MICU2: variants seen among roughly 807,000 people sequenced by gnomAD.
MICU2 encodes the protein calcium uptake protein 2, mitochondrial.
Under a neutral mutation model 60.4 loss-of-function variants are expected in MICU2, and 64 were observed. The ratio of observed to expected loss-of-function variants is 1.06; its 90% confidence interval spans 0.87 to 1.31. MICU2 has a LOEUF of 1.31. Ranked by LOEUF, MICU2 falls within the 50% of genes most tolerant of loss-of-function variation. The pLI is 0.00. For missense variants in MICU2, 569 were observed against 531.0 expected, an observed-to-expected ratio of 1.07 and a Z score of -0.70; for synonymous variants, 201 against 175.0, an observed-to-expected ratio of 1.15 and a Z score of -1.17.
intron 8 of MICU2, among the ~76,000 whole-genome samples, chr13:21,508,193 C>T (rs1368248690): frequency 2.6e-5 from 4 of 151,558 alleles, no homozygotes; most frequent in Non-Finnish European, 5.9e-5. Context: ...TGGCACGATC[C>T]TGGCTCACTA....
rs145073467 is a variant in MICU2 at position 21,507,765 on chromosome 13, G to A, written c.761+2239C>T. On this transcript the variant is annotated intron_variant, in intron 8 of 11. Transcript: ENST00000382374. ...ATTACAGATGCCTGCCACCTCGCCC[G>A]GCTAATTTTTGTATTTTTAGTAGAG... Among the ~76,000 whole-genome samples, 948 of 151,762 alleles carry A rather than the reference G, an allele frequency of 6.2e-3. 9 individuals carry two copies. The highest frequency in any genetic ancestry group is 0.021 in the African/African-American group (882 of 41,366).
intron 2 of MICU2, among the ~76,000 whole-genome samples, chr13:21,552,693 T>C (rs1887602686): frequency 6.6e-6 from 1 of 152,186 alleles, no homozygotes; most frequent in South Asian, 2.1e-4. Context: ...GGGAATCTTC[T>C]CCCCATTGCT....
chr13:21,591,528 T>C (rs1347501999), intron 1 of MICU2, among the ~76,000 whole-genome samples: 1 of 152,216 alleles, frequency 6.6e-6, no homozygotes, highest in Non-Finnish European at 1.5e-5. Flanking sequence ...CAAGTGGACC[T>C]AGTAGACATC....
intron 1 of MICU2, among the ~76,000 whole-genome samples, chr13:21,594,455 T>G (rs1310990671): frequency 1.3e-5 from 2 of 152,226 alleles, no homozygotes; most frequent in African/African-American, 4.8e-5. Flanking sequence ...GTTCAACTAT[T>G]GTGGAAGACA....
chr13:21,581,141 C>T (rs1311296564), intron 1 of MICU2, among the ~76,000 whole-genome samples: 1 of 152,162 alleles, frequency 6.6e-6, no homozygotes, highest in Non-Finnish European at 1.5e-5. Flanking sequence ...AGGATAAATA[C>T]TAAGAACTAG....
intron 11 of MICU2, among the ~76,000 whole-genome samples, chr13:21,494,200 TAA>T (rs1453801664): frequency 6.6e-6 from 1 of 152,206 alleles, no homozygotes; most frequent in Non-Finnish European, 1.5e-5. Flanking sequence ...TATTTTTCCC[TAA>T]GTTATGTTTG....
intron 11 of MICU2, among the ~76,000 whole-genome samples, chr13:21,493,796 A>AG (rs1386094583): frequency 1.3e-5 from 2 of 151,714 alleles, no homozygotes; most frequent in African/African-American, 4.9e-5. Flanking sequence ...AAAAAAAAAA[A>AG]GGCCACAAAG....
chr13:21,493,760 CTTTGA>C (rs1206184565), intron 11 of MICU2, among the ~76,000 whole-genome samples: 3 of 149,508 alleles, frequency 2.0e-5, no homozygotes, highest in Non-Finnish European at 3.0e-5. Flanking sequence ...AAGCCTAAAG[CTTTGA>C]TTTAACATTG....
At chr13:21,586,257 C>T (rs117500412) in intron 1 of MICU2, among the ~76,000 whole-genome samples, 61 of 152,278 alleles carry the variant, frequency 4.0e-4, no homozygotes, top group African/African-American at 1.3e-3. Context: ...GTTCACTATC[C>T]GTTTTTTTCT....
At chr13:21,531,720 A>G (rs2138182283) in intron 4 of MICU2, among the ~76,000 whole-genome samples, 1 of 152,322 alleles carries the variant, frequency 6.6e-6, no homozygotes. Flanking sequence ...AGCAGGGAAT[A>G]CAATACAGTG....
intron 1 of MICU2, among the ~76,000 whole-genome samples, chr13:21,593,371 A>G (rs1888624584): frequency 6.6e-6 from 1 of 152,124 alleles, no homozygotes; most frequent in African/African-American, 2.4e-5. Flanking sequence ...AGAGGACATA[A>G]ACAAATGGAA....
intron 1 of MICU2, among the ~76,000 whole-genome samples, chr13:21,585,903 CT>C (rs1180910521): frequency 1.3e-5 from 2 of 152,068 alleles, no homozygotes; most frequent in African/African-American, 2.4e-5. Flanking sequence ...AGCAAACCAT[CT>C]AGTATTCTCT....
At chr13:21,600,322 A>C (rs950409489) in intron 1 of MICU2, among the ~76,000 whole-genome samples, 2 of 152,120 alleles carry the variant, frequency 1.3e-5, no homozygotes, top group African/African-American at 4.8e-5. Context: ...TTGCCTAGAA[A>C]ACTCTTCCCC....
chr13:21,574,524 C>T (rs1036905528), intron 1 of MICU2, among the ~76,000 whole-genome samples: 24 of 152,326 alleles, frequency 1.6e-4, no homozygotes, highest in African/African-American at 5.8e-4. Context: ...TCTAAAGCAA[C>T]AGGTGCTTCA....
rs1456647244 is a variant in MICU2, at chr13:21,514,353, C to G, written c.663G>C (p.Gln221His). The change falls in exon 7 of 12, where the codon CAG becomes CAC. Residue 221 changes from glutamine to histidine, a missense_variant and splice_region_variant. Transcript: ENST00000382374. ...TTGTTTGGAAATCATCTGTACATAC[C>G]TGATATCCAGTTTCATTAGTTTTCA... ...MTVKTNETGY[Q>H]EAIVKEPEIN... 6.2e-6 allele frequency: 10 copies of G among 1,609,364 alleles called. No individual in the cohort carries two copies. The highest frequency in any genetic ancestry group is 1.3e-5 in the African/African-American group (1 of 74,620).
chr13:21,526,994 A>G (rs1303093988), intron 4 of MICU2, among the ~76,000 whole-genome samples: 1 of 152,226 alleles, frequency 6.6e-6, no homozygotes, highest in Admixed American at 6.5e-5. Flanking sequence ...GTATTATTAG[A>G]TGATTCCATG....
chr13:21,497,504 T>C (rs1259883979), intron 9 of MICU2, among the ~76,000 whole-genome samples: 3 of 151,762 alleles, frequency 2.0e-5, no homozygotes, highest in Non-Finnish European at 4.4e-5. Context: ...AGCTCAGGAG[T>C]TGGAGACCAG....
chr13:21,493,251 A>T lies in MICU2; in HGVS notation c.1303T>A (p.Ter435LysextTer1), dbSNP rs1333549804. The T allele has an allele frequency of 6.3e-7, 1 of 1,592,798 alleles. No individual in the cohort carries two copies. Among genetic ancestry groups the T allele is most frequent in the East Asian group, 2.2e-5 (1 of 44,508 alleles). Residue 435 changes from the stop codon to lysine (K), a stop_lost, in exon 12 of 12, where the codon TAA becomes AAA. Transcript: ENST00000382374. ...TTGCCATACTATTATATCTTTTATT[A>T]AAAAAGACCTTTTCCAGCTTGTTTC... The part of the protein sequence containing the change: ...VWKQAGKGLF[*>K]
At chr13:21,540,865 G>A (rs929397018) in intron 2 of MICU2, among the ~76,000 whole-genome samples, 1 of 151,988 alleles carries the variant, frequency 6.6e-6, no homozygotes, top group Non-Finnish European at 1.5e-5. Flanking sequence ...TATATAATAC[G>A]TAGTCATATA....
Sources: allele counts gnomAD v4.1 joint callset (sites outside exome capture counted in the v4.1 genomes callset), GRCh38; gene constraint gnomAD v4.1.1; transcripts MANE v1.5; gene names NCBI Gene and HGNC (gene_info 2026-07-23, HGNC 2026-07-21).